SYNPO: variants seen among roughly 807,000 people sequenced by gnomAD.
The protein encoded by SYNPO is synaptopodin.
In SYNPO, 19 loss-of-function variants were observed where a neutral mutation model predicts 49.5. The observed-to-expected ratio is 0.38, with a 90% confidence interval of 0.27 to 0.56. The LOEUF is 0.56. SYNPO is among the 20% of genes least tolerant of loss of function. The probability of loss-of-function intolerance (pLI) is 0.68; values close to 1 mark genes in which losing one functional copy is unlikely to be tolerated. For synonymous variants in SYNPO, 536 were observed against 548.0 expected (o/e 0.98, Z 0.31); for missense variants, 1,131 against 1,248.3 (o/e 0.91, Z 1.42).
intron 1 of SYNPO, among the ~76,000 whole-genome samples, chr5:150,614,401 C>T (rs1222694196): frequency 6.6e-6 from 1 of 152,162 alleles, no homozygotes; most frequent in Non-Finnish European, 1.5e-5. Context: ...GAGCACCTGA[C>T]GCTCAGCCGG....
intron 2 of SYNPO, chr5:150,650,768 C>T: frequency 1.5e-6 from 2 of 1,294,930 alleles, no homozygotes; most frequent in South Asian, 3.3e-5. Context: ...GGGTCTGCCT[C>T]CTCAGCTGCC....
chr5:150,617,209 G>T (rs1757005084), intron 1 of SYNPO, among the ~76,000 whole-genome samples: 1 of 152,186 alleles, frequency 6.6e-6, no homozygotes, highest in Non-Finnish European at 1.5e-5. Context: ...AGGTCCTGTG[G>T]CTGGCTTGTT....
chr5:150,605,078 G>A (rs1404323146), intron 1 of SYNPO, among the ~76,000 whole-genome samples: 1 of 152,148 alleles, frequency 6.6e-6, no homozygotes, highest in Non-Finnish European at 1.5e-5. Flanking sequence ...TAAGCTCCTG[G>A]CACATAGTAG....
intron 1 of SYNPO, among the ~76,000 whole-genome samples, chr5:150,602,076 G>A (rs535735624): frequency 6.6e-6 from 1 of 152,314 alleles, no homozygotes; most frequent in African/African-American, 2.4e-5. Flanking sequence ...ACTCATCGGG[G>A]GCACAGAGGA....
chr5:150,638,911 G>A (rs542150087), upstream of SYNPO, among the ~76,000 whole-genome samples: 178 of 152,358 alleles, frequency 1.2e-3, 1 homozygote, highest in African/African-American at 4.2e-3. Context: ...AGGGGGCTTC[G>A]TGAGCACAGG....
At chr5:150,651,301 C>T (rs1758375935) in intron 2 of SYNPO, 6 of 1,000,782 alleles carry the variant, frequency 6.0e-6, no homozygotes, top group South Asian at 4.7e-5. Flanking sequence ...GTTCCGGTCC[C>T]ATGTCACCTT....
At chr5:150,626,811 G>A (rs549587733) in intron 2 of SYNPO, among the ~76,000 whole-genome samples, 42 of 152,300 alleles carry the variant, frequency 2.8e-4, no homozygotes, top group African/African-American at 9.6e-4. Context: ...GTGGGAAGGA[G>A]GCAACAGAGC....
intron 1 of SYNPO, among the ~76,000 whole-genome samples, chr5:150,611,352 G>T (rs780257576): frequency 2.0e-5 from 3 of 152,230 alleles, no homozygotes; most frequent in Non-Finnish European, 4.4e-5. Context: ...GTAAATGAAT[G>T]ACTGAGTCTC....
Position 150,657,106 on chromosome 5 carries a change from AC to A in SYNPO, c.*23del. Reference sequence around the variant, plus strand: ...CACCTAGAGCCCCACCCCCGACCCCACCCCGGGAGGGCAGAGCCAGAAGAAG... The same window carrying A: ...CACCTAGAGCCCCACCCCCGACCCCACCCGGGAGGGCAGAGCCAGAAGAAG... On this transcript the variant is annotated 3_prime_UTR_variant, in exon 3 of 3. Transcript: ENST00000307662. 3 of 1,338,040 alleles carry A rather than the reference AC, an allele frequency of 2.2e-6. No homozygotes were observed. The highest frequency in any genetic ancestry group is 3.0e-6 in the Non-Finnish European group (3 of 1,001,682). 82.9% of individuals were successfully genotyped at this position (1,338,040 alleles called of 1,614,324 possible).
At chr5:150,618,115 C>T (rs570623611) in exon 2 of SYNPO, 228 of 436,814 alleles carry the variant, frequency 5.2e-4, no homozygotes, top group African/African-American at 4.0e-3. Context: ...TGCCCCAAAG[C>T]GGCCTCACAC....
Position 150,656,976 on chromosome 5 carries a change from CG to C in SYNPO, c.2605del (p.Ala869LeufsTer70). 1 of 1,595,430 alleles carries C rather than the reference CG, an allele frequency of 6.3e-7. No individual in the cohort carries two copies. Among genetic ancestry groups the C allele is most frequent in the Non-Finnish European group, 8.5e-7 (1 of 1,171,908 alleles). On this transcript the variant is annotated frameshift_variant, in exon 3 of 3. Coordinates refer to ENST00000307662, the MANE Select transcript of SYNPO (RefSeq NM_007286.6). LOFTEE classifies it high-confidence loss of function. ...ACGTGTCCCTCGACTCCGAGGACTC[CG>C]GGGCTAAGTCTCCAGGCATCCTGGG... ...SDVSLDSEDS[G>X]AKSPGILGYN...
the SYNPO span, among the ~76,000 whole-genome samples, chr5:150,591,627 TA>T: frequency 2.0e-5 from 3 of 152,268 alleles, no homozygotes; most frequent in African/African-American, 7.2e-5. Context: ...ATTCACTTTT[TA>T]AAACCTGAAT....
intron 1 of SYNPO, among the ~76,000 whole-genome samples, chr5:150,606,504 G>A (rs1756696273): frequency 6.6e-6 from 1 of 152,248 alleles, no homozygotes; most frequent in Admixed American, 6.5e-5. Flanking sequence ...CTTCTCCAAG[G>A]CAGGCTGCCT....
At position 150,630,939 on chromosome 5, in the gene SYNPO, C is replaced by T. The variant is rs1240353272; in HGVS notation, c.400+12172C>T. ...TCCCAGATTTCTTCTCTCATTTAGA[C>T]CTGACAGACACTGCAGGAGACCCCA... On this transcript the variant is annotated intron_variant, in intron 2 of 2. Transcript: ENST00000394243. Among the ~76,000 whole-genome samples the T allele has an allele frequency of 3.9e-5, 6 of 152,268 alleles. No individual in the cohort carries two copies. The Middle Eastern group carries it at 0.01, about 259-fold the overall frequency.
At chr5:150,635,877 G>A (rs1757699387), upstream of SYNPO, among the ~76,000 whole-genome samples, 1 of 152,156 alleles carries the variant, frequency 6.6e-6, no homozygotes, top group Admixed American at 6.5e-5. Flanking sequence ...CTGCACTGTT[G>A]CCTTAGACAA....
In SYNPO at chr5:150,649,174, T is replaced by C. The variant is rs1422396003; in HGVS notation, c.899T>C (p.Met300Thr). The change falls in exon 2 of 3, where the codon ATG (methionine) becomes ACG (threonine). Residue 300 changes from methionine (M) to threonine (T), a missense_variant. Around this residue, in one of 4 missense-constraint regions of SYNPO, gnomAD observed 602 missense variants for 720.7 expected, o/e 0.84. Coordinates refer to ENST00000307662, the MANE Select transcript of SYNPO (RefSeq NM_007286.6). ...AGCCCCATGGTGGAAAGGAGGATGA[T>C]GGGGCAGCGAAGCCCGGCCTCAGAG... The part of the protein sequence containing the change: ...SRSPMVERRM[M>T]GQRSPASERR... The C allele has an allele frequency of 1.6e-5, 26 of 1,613,940 alleles. No homozygotes were observed. Among genetic ancestry groups the C allele is most frequent in the Non-Finnish European group, 2.2e-5 (26 of 1,180,014 alleles).
Position 150,656,529 on chromosome 5 carries a change from C to A in SYNPO, c.2154C>A (p.Ser718Arg), listed in dbSNP as rs1208286457. The part of the protein sequence containing the change: ...WEPGRGSSMS[S>R]PPPLPPPPPM... ...CAGGTCGCGGGAGCAGCATGAGCAG[C>A]CCCCCGCCGCTGCCGCCGCCACCGC... is the stretch of plus-strand genomic sequence containing the variant. The change falls in exon 3 of 3, where the codon AGC becomes AGA. Residue 718 changes from serine to arginine, a missense_variant. Around this residue, in one of 4 missense-constraint regions of SYNPO, gnomAD observed 509 missense variants for 484.5 expected, o/e 1.05. Transcript: ENST00000307662. 5 of 1,528,590 alleles carry A rather than the reference C, an allele frequency of 3.3e-6. No individual in the cohort carries two copies. The highest frequency in any genetic ancestry group is 5.0e-5 in the East Asian group (2 of 40,140). 94.7% of individuals were successfully genotyped at this position (1,528,590 alleles called of 1,614,324 possible).
intron 2 of SYNPO, among the ~76,000 whole-genome samples, chr5:150,629,756 C>T (rs1293311545): frequency 6.6e-6 from 1 of 152,172 alleles, no homozygotes; most frequent in Admixed American, 6.5e-5. Flanking sequence ...GCTTTAAGTT[C>T]TTTACGCATC....
At chr5:150,588,025 A>C in the SYNPO span, among the ~76,000 whole-genome samples, 1 of 152,072 alleles carries the variant, frequency 6.6e-6, no homozygotes, top group East Asian at 1.9e-4. Flanking sequence ...TGTCAGGATG[A>C]ACGCCAGGCC....
Sources: allele counts gnomAD v4.1 joint callset (sites outside exome capture counted in the v4.1 genomes callset), GRCh38; gene constraint gnomAD v4.1.1; regional missense constraint gnomAD v4.1.1; transcripts MANE v1.5; gene names NCBI Gene and HGNC (gene_info 2026-07-23, HGNC 2026-07-21).